FBXL18: variants seen among roughly 807,000 people sequenced by gnomAD.
The protein encoded by FBXL18 is F-box/LRR-repeat protein 18.
A neutral mutation model predicts 46.0 loss-of-function variants in FBXL18; 36 were observed. The observed-to-expected ratio is 0.78, with a 90% confidence interval of 0.60 to 1.03. The LOEUF (loss-of-function observed/expected upper bound fraction) is 1.03. Ranked by LOEUF, FBXL18 falls within the 50% of genes least tolerant of loss-of-function variation. FBXL18 has a pLI of 0.00. For missense variants in FBXL18, 977 were observed against 1,004.1 expected (o/e 0.97, Z 0.36); for synonymous variants, 557 against 465.3 (o/e 1.20, Z -2.54).
intron 4 of FBXL18, among the ~76,000 whole-genome samples, chr7:5,468,318 T>A (rs189781559): frequency 6.6e-6 from 1 of 150,570 alleles, no homozygotes; most frequent in East Asian, 2.0e-4. Context: ...GGGATTTCAC[T>A]GTGTCAGCCA....
intron 2 of FBXL18, among the ~76,000 whole-genome samples, chr7:5,504,803 G>T (rs1229952918): frequency 6.8e-6 from 1 of 148,116 alleles, no homozygotes; most frequent in East Asian, 2.0e-4. Flanking sequence ...GTAGTCCCAG[G>T]TACTCGGGAG....
intron 4 of FBXL18, among the ~76,000 whole-genome samples, chr7:5,461,025 T>G (rs1485057577): frequency 1.3e-5 from 2 of 152,228 alleles, no homozygotes; most frequent in East Asian, 1.9e-4. Flanking sequence ...GTGCTGTGTT[T>G]GCACCATAAA....
intron 4 of FBXL18, among the ~76,000 whole-genome samples, chr7:5,490,691 G>A (rs563814871): frequency 1.6e-4 from 24 of 152,370 alleles, no homozygotes; most frequent in South Asian, 6.2e-4. Flanking sequence ...CAGGCTGGGT[G>A]CGGTGGCTCA....
intron 3 of FBXL18, among the ~76,000 whole-genome samples, chr7:5,500,014 A>C (rs370230486): frequency 6.6e-6 from 1 of 151,874 alleles, no homozygotes; most frequent in Admixed American, 6.6e-5. Flanking sequence ...GAAGTGAGCT[A>C]TGATGGCACC....
In FBXL18 at chr7:5,487,688, G is replaced by A. The variant is rs1352058815; in HGVS notation, c.2000+3543C>T. Reference sequence around the variant, plus strand: ...GCTTGAACAAGAGGCAAGATGCAGTGCCTGGAGCAGAGAGAGGCACCATGG... The same window carrying A: ...GCTTGAACAAGAGGCAAGATGCAGTACCTGGAGCAGAGAGAGGCACCATGG... On this transcript the variant is annotated intron_variant, in intron 4 of 4. Coordinates refer to ENST00000382368, the MANE Select transcript of FBXL18 (RefSeq NM_024963.6). Among the ~76,000 whole-genome samples the A allele has an allele frequency of 3.3e-5, 5 of 152,254 alleles. No homozygotes were observed. The East Asian group carries it at 5.8e-4, about 18-fold the overall frequency.
Position 5,481,834 on chromosome 7 carries a change from C to G in FBXL18, c.2098G>C (p.Asp700His), listed in dbSNP as rs1047566273. 19 of 1,613,688 alleles carry G rather than the reference C, an allele frequency of 1.2e-5. No homozygotes were observed. Among genetic ancestry groups the G allele is most frequent in the Non-Finnish European group, 1.5e-5 (18 of 1,179,990 alleles). ...VIRDVPLVHL[D>H]EITLFKSRVA... ...CTGCTCTTAAATAAGGTGATCTCAT[C>G]CAGGTGCACCAGGGGGACGTCCCGG... is the stretch of plus-strand genomic sequence containing the variant. Residue 700 changes from aspartate to histidine, a missense_variant, in exon 5 of 5, where the codon GAT (aspartate) becomes CAT (histidine). Transcript: ENST00000382368.
intron 3 of FBXL18, among the ~76,000 whole-genome samples, chr7:5,498,098 T>G (rs1322633413): frequency 4.0e-5 from 6 of 149,000 alleles, no homozygotes; most frequent in Non-Finnish European, 8.9e-5. Context: ...TTTTTTTTTT[T>G]GAGACCGAGT....
At chr7:5,487,557 C>A (rs1783806699) in intron 4 of FBXL18, among the ~76,000 whole-genome samples, 1 of 152,202 alleles carries the variant, frequency 6.6e-6, no homozygotes, top group South Asian at 2.1e-4. Context: ...AACTCCCATC[C>A]CTCCAGCACT....
At chr7:5,465,733 G>A (rs1220262917) in intron 4 of FBXL18, among the ~76,000 whole-genome samples, 4 of 152,164 alleles carry the variant, frequency 2.6e-5, no homozygotes, top group Admixed American at 6.5e-5. Context: ...TACTATGTTC[G>A]CTATTTGGGT....
At chr7:5,508,859 A>C (rs1165250682) in intron 1 of FBXL18, among the ~76,000 whole-genome samples, 2 of 152,160 alleles carry the variant, frequency 1.3e-5, no homozygotes, top group African/African-American at 4.8e-5. Context: ...TCACGTGGTA[A>C]GAATGAGAAC....
chr7:5,459,773 C>A (rs1783218531), intron 4 of FBXL18, among the ~76,000 whole-genome samples: 1 of 150,770 alleles, frequency 6.6e-6, no homozygotes, highest in African/African-American at 2.4e-5. Context: ...ATTAGCTGGG[C>A]ATGGTGGTGT....
chr7:5,500,975 CGCGCGGCGCGGA>C lies in FBXL18; in HGVS notation c.1282_1293del (p.Ser428_Arg431del). The C allele has an allele frequency of 6.5e-7, 1 of 1,541,202 alleles. No individual in the cohort carries two copies. Among genetic ancestry groups the C allele is most frequent in the South Asian group, 1.2e-5 (1 of 80,230 alleles). On this transcript the variant is annotated inframe_deletion, in exon 3 of 5. Transcript: ENST00000382368. ...GCCGGCTGGGCGGGCGCGCGGTCGGCGCGCGGCGCGGAGTCAGCGACAGAGCAGACAGGCAGG... is the reference window on the plus strand; with the variant it reads ...GCCGGCTGGGCGGGCGCGCGGTCGGCGTCAGCGACAGAGCAGACAGGCAGG...
intron 4 of FBXL18, among the ~76,000 whole-genome samples, chr7:5,459,912 C>CTAAA (rs113042562): frequency 5.3e-5 from 8 of 151,430 alleles, no homozygotes; most frequent in Middle Eastern, 3.4e-3. Context: ...GACTCTGTCT[C>CTAAA]TAAATAAATA....
At chr7:5,495,268 CA>C (rs1784046695) in intron 3 of FBXL18, among the ~76,000 whole-genome samples, 1 of 152,190 alleles carries the variant, frequency 6.6e-6, no homozygotes, top group Admixed American at 6.5e-5. Flanking sequence ...CCACCCACTG[CA>C]CGGGCCGTGA....
chr7:5,492,024 A>G (rs1487648104), intron 3 of FBXL18, among the ~76,000 whole-genome samples: 2 of 151,234 alleles, frequency 1.3e-5, no homozygotes, highest in Non-Finnish European at 2.9e-5. Flanking sequence ...AGATGGGAGG[A>G]CAGCGCTGGA....
chr7:5,504,596 G>A (rs1272980988), intron 2 of FBXL18, among the ~76,000 whole-genome samples: 2 of 137,630 alleles, frequency 1.5e-5, no homozygotes, highest in Non-Finnish European at 3.2e-5. Flanking sequence ...GTGAACCACC[G>A]CACCTGGCCT....
intron 4 of FBXL18, among the ~76,000 whole-genome samples, chr7:5,457,200 C>G (rs548985238): frequency 2.2e-4 from 34 of 152,296 alleles, no homozygotes; most frequent in African/African-American, 8.2e-4. Flanking sequence ...TCTGTGAGCA[C>G]CACAAAATTC....
rs762321603 is a variant in FBXL18 at position 5,502,064 on chromosome 7, G to C, written c.238-33C>G. The C allele has an allele frequency of 8.1e-6, 12 of 1,489,870 alleles. No individual in the cohort carries two copies. The Admixed American group carries it at 2.0e-4, about 25-fold the overall frequency. 92.3% of individuals were successfully genotyped at this position (1,489,870 alleles called of 1,614,324 possible). ...ACAGAGGCAGGGTGGGGAGAGGAAG[G>C]AAAGGGCTGAAGGCACCTACGGGTC... On this transcript the variant is annotated intron_variant, in intron 2 of 4. Transcript: ENST00000382368.
At chr7:5,504,765 A>C (rs1315065286) in intron 2 of FBXL18, among the ~76,000 whole-genome samples, 16 of 149,694 alleles carry the variant, frequency 1.1e-4, no homozygotes, top group African/African-American at 2.7e-4. Context: ...AATACAAAAA[A>C]ATTAGCCCGG....
Sources: gnomAD v4.1 joint callset for allele counts (sites outside exome capture counted in the v4.1 genomes callset) on GRCh38, gnomAD v4.1.1 for gene constraint, MANE v1.5 for transcripts, NCBI Gene and HGNC (gene_info 2026-07-23, HGNC 2026-07-21) for gene names.